Variants in USP6 observed in about 807,000 individuals in gnomAD.
USP6 encodes the protein ubiquitin specific peptidase 6, also known as ubiquitin carboxyl-terminal hydrolase 6.
USP6 carries 128 observed loss-of-function variants against 175.7 expected under a neutral mutation model. The observed-to-expected ratio is 0.73, with a 90% CI of 0.63 to 0.84. USP6 has a LOEUF of 0.84. USP6 is among the 40% of genes least tolerant of loss of function. USP6 has a pLI of 0.00. For synonymous variants in USP6, 562 were observed against 630.6 expected, an observed-to-expected ratio of 0.89 and a Z score of 1.63; for missense variants, 1,498 against 1,760.3, an observed-to-expected ratio of 0.85 and a Z score of 2.67.
intron 25 of USP6, 69 bp downstream of exon 25, chr17:5,142,571 G>GT: frequency 6.6e-7 from 1 of 1,513,962 alleles, no homozygotes; most frequent in Non-Finnish European, 8.9e-7. Context: ...TTCTCTACTT[G>GT]TTTTTTGTGT....
Position 5,168,882 on chromosome 17 carries a change from C to T in USP6, c.3344C>T (p.Pro1115Leu), listed in dbSNP as rs371137657. ...AGTGCTTTTTTGGTACCACGAGACC[C>T]GGCCCTCTGCCAGCATAAACCACTC... ...DPSAFLVPRD[P>L]ALCQHKPLTP... The change falls in exon 35 of 38, where the codon CCG becomes CTG. Residue 1115 changes from proline to leucine, a missense_variant. Pro to Leu is a moderately conservative substitution (Grantham distance 98). Coordinates refer to ENST00000574788, the MANE Select transcript of USP6 (RefSeq NM_001304284.2). The T allele has an allele frequency of 1.3e-5, 21 of 1,613,724 alleles. 1 individual carries two copies. Among genetic ancestry groups the T allele is most frequent in the Middle Eastern group, 3.3e-4 (2 of 6,074 alleles).
At position 5,168,880 on chromosome 17, in the gene USP6, C is replaced by T; in HGVS notation, c.3342C>T (p.Asp1114=). 1 of 1,613,836 alleles carries T rather than the reference C, an allele frequency of 6.2e-7. No homozygotes were observed. The highest frequency in any genetic ancestry group is 8.5e-7 in the Non-Finnish European group (1 of 1,179,840). The change falls in exon 35 of 38, where the codon GAC becomes GAT. Residue 1114 remains aspartate (D), a synonymous_variant. Transcript: ENST00000574788. ...FDPSAFLVPR[D]PALCQHKPLT... The stretch of plus-strand genomic sequence containing the variant: ...CGAGTGCTTTTTTGGTACCACGAGA[C>T]CCGGCCCTCTGCCAGCATAAACCAC...
Position 5,141,511 on chromosome 17 carries a change from G to C in USP6, c.1573+12G>C. The stretch of plus-strand genomic sequence containing the variant: ...AGATAGACAAAAGGGTAAGTCTCCA[G>C]TATTATTTTTTAAAGAGATTATTTT... On this transcript the variant is annotated intron_variant, in intron 23 of 37. Coordinates refer to ENST00000574788, the MANE Select transcript of USP6 (RefSeq NM_001304284.2). 6.4e-7 allele frequency: 1 copy of C among 1,571,504 alleles called. No homozygotes were observed. The highest frequency in any genetic ancestry group is 8.6e-7 in the Non-Finnish European group (1 of 1,157,654).
At position 5,135,907 on chromosome 17, in the gene USP6, A is replaced by T. The variant is rs1324311375; in HGVS notation, c.643A>T (p.Ser215Cys). 1 of 1,598,742 alleles carries T rather than the reference A, an allele frequency of 6.3e-7. No individual in the cohort carries two copies. Among genetic ancestry groups the T allele is most frequent in the Non-Finnish European group, 8.5e-7 (1 of 1,179,780 alleles). ...AFWALVQLLA[S>C]ERHSLPGFHS... ...CTGGGCACTGGTGCAGCTGCTGGCC[A>T]GTGAGAGGCACTCCCTGCCAGGTAG... Residue 215 changes from serine to cysteine, a missense_variant, in exon 17 of 38, where the codon AGT (serine) becomes TGT (cysteine). Ser to Cys is a moderately radical substitution (Grantham distance 112, BLOSUM62 -1). This residue lies in a region of USP6 where 1,217 missense variants were observed against 1,500.8 expected (regional missense o/e 0.81). Transcript: ENST00000574788.
At chr17:5,162,070 A>C (rs546086768) in intron 32 of USP6, among the ~76,000 whole-genome samples, 144 of 152,340 alleles carry the variant, frequency 9.5e-4, no homozygotes, top group African/African-American at 3.2e-3. Flanking sequence ...TTTGAGACTT[A>C]GCTGGTTTTA....
intron 30 of USP6, among the ~76,000 whole-genome samples, chr17:5,154,037 C>G (rs2073830980): frequency 6.6e-6 from 1 of 152,132 alleles, no homozygotes; most frequent in Non-Finnish European, 1.5e-5. Flanking sequence ...CCCTAGGGCA[C>G]TAGGAGAAAT....
In USP6 at chr17:5,141,328, T is replaced by A. The variant is rs1259037601; in HGVS notation, c.1499-97T>A. 3 of 1,103,416 alleles carry A rather than the reference T, an allele frequency of 2.7e-6. No homozygotes were observed. The African/African-American group carries it at 4.9e-5, about 18-fold the overall frequency. 68.4% of individuals were successfully genotyped at this position (1,103,416 alleles called of 1,614,324 possible). On this transcript the variant is annotated intron_variant, in intron 22 of 37. Transcript: ENST00000574788. ...TAGCTAGATTTTAAAACTTCCGATTTAGGAATAAGATGTCTTTAAAAAAAA... is the reference window on the plus strand; with the variant it reads ...TAGCTAGATTTTAAAACTTCCGATTAAGGAATAAGATGTCTTTAAAAAAAA...
chr17:5,153,903 C>T (rs1386475387), intron 30 of USP6, among the ~76,000 whole-genome samples: 2 of 152,240 alleles, frequency 1.3e-5, no homozygotes, highest in African/African-American at 4.8e-5. Context: ...ATCTGCCTGC[C>T]TCGGCCTCCC....
chr17:5,125,678 G>GCGCACACACA (rs1344445678), intron 5 of USP6, 143 bp from the exon 6 acceptor site: 23 of 137,684 alleles, frequency 1.7e-4, no homozygotes, highest in Non-Finnish European at 3.0e-4. Context: ...ACACGCACAT[G>GCGCACACACA]CACACACACA....
At chr17:5,128,730 C>T (rs1308435412) in intron 7 of USP6, 2 of 152,676 alleles carry the variant, frequency 1.3e-5, no homozygotes, top group Non-Finnish European at 2.9e-5. Context: ...CCTGCTGACC[C>T]AGGCAAGGCC....
chr17:5,142,799 T>A (rs1390234275), intron 25 of USP6, among the ~76,000 whole-genome samples: 1 of 152,246 alleles, frequency 6.6e-6, no homozygotes, highest in Non-Finnish European at 1.5e-5. Flanking sequence ...TACTTCACTA[T>A]TAGCAGTATT....
intron 4 of USP6, among the ~76,000 whole-genome samples, chr17:5,122,575 C>G (rs2072716762): frequency 6.6e-6 from 1 of 152,228 alleles, no homozygotes; most frequent in Admixed American, 6.5e-5. Flanking sequence ...AGCCCTGGGC[C>G]CCCTCCCCAG....
At chr17:5,167,542 C>A (rs555598956) in intron 33 of USP6, among the ~76,000 whole-genome samples, 2 of 152,118 alleles carry the variant, frequency 1.3e-5, no homozygotes. Flanking sequence ...GACAAGGTCT[C>A]TCTCTGTCAT....
intron 11 of USP6, 38 bp downstream of exon 11, chr17:5,130,722 G>A: frequency 6.2e-7 from 1 of 1,610,038 alleles, no homozygotes; most frequent in Non-Finnish European, 8.5e-7. Flanking sequence ...CCCTAAAGCA[G>A]CTGTCTCAGC....
chr17:5,130,301 G>A, intron 9 of USP6, 66 bp from the exon 10 acceptor site: 7 of 1,532,996 alleles, frequency 4.6e-6, no homozygotes, highest in South Asian at 1.1e-5. Context: ...AGCCCGGTGG[G>A]AGCGGTTCAG....
intron 33 of USP6, among the ~76,000 whole-genome samples, chr17:5,163,540 C>T (rs1567811105): frequency 6.6e-6 from 1 of 152,216 alleles, no homozygotes; most frequent in East Asian, 1.9e-4. Flanking sequence ...ACACCTCCTA[C>T]TAGGCCCCAC....
chr17:5,147,333 T>G (rs1334194369), intron 29 of USP6, 139 bp downstream of exon 29: 8 of 1,045,432 alleles, frequency 7.7e-6, no homozygotes, highest in Non-Finnish European at 1.1e-5. Context: ...TTACTGATTA[T>G]TCCATATTTT....
In USP6 at chr17:5,174,965, A is replaced by G. The variant is rs1410143729; in HGVS notation, c.*1987A>G. On this transcript the variant is annotated 3_prime_UTR_variant, in exon 38 of 38. Transcript: ENST00000574788. ...TGTTTATCTGTTAACTATTATCCAAACAAATTAAATACTGTGGTTGCCTCT... is the reference window on the plus strand; with the variant it reads ...TGTTTATCTGTTAACTATTATCCAAGCAAATTAAATACTGTGGTTGCCTCT... 1.6e-5 allele frequency: 3 copies of G among 188,222 alleles called. No homozygotes were observed. The highest frequency in any genetic ancestry group is 4.7e-5 in the African/African-American group (2 of 42,794). The allele number at this position is 188,222 out of a possible 1,614,324, so 11.7% of individuals were successfully genotyped here.
At chr17:5,117,299 T>C (rs1462673423) in intron 1 of USP6, among the ~76,000 whole-genome samples, 1 of 151,766 alleles carries the variant, frequency 6.6e-6, no homozygotes, top group South Asian at 2.1e-4. Context: ...GGGTGGATCA[T>C]GAGGTCAGGA....
Sources: gnomAD v4.1 joint callset for allele counts (sites outside exome capture counted in the v4.1 genomes callset) on GRCh38, gnomAD v4.1.1 for gene constraint, gnomAD v4.1.1 regional missense constraint, MANE v1.5 for transcripts, NCBI Gene and HGNC (gene_info 2026-07-23, HGNC 2026-07-21) for gene names.